Variants in PCDH15 observed in about 807,000 individuals in gnomAD.
The protein encoded by PCDH15 is protocadherin related 15.
In PCDH15, 129 loss-of-function variants were observed where a neutral mutation model predicts 178.5. The observed-to-expected ratio is 0.72, with a 90% CI of 0.63 to 0.84. PCDH15 has a LOEUF of 0.84. Ranked by LOEUF, PCDH15 falls within the 40% of genes least tolerant of loss-of-function variation. PCDH15 has a pLI of 0.00. For missense variants in PCDH15, 2,230 were observed against 2,099.9 expected, an observed-to-expected ratio of 1.06 and a Z score of -1.21; for synonymous variants, 800 against 732.0, an observed-to-expected ratio of 1.09 and a Z score of -1.50.
chr10:55,369,891 T>C (rs891519222), intron 2 of PCDH15, among the ~76,000 whole-genome samples: 3 of 152,084 alleles, frequency 2.0e-5, no homozygotes, highest in Middle Eastern at 3.4e-3. Context: ...CTGAGACACA[T>C]GCTTATTCCA....
intron 6 of PCDH15, among the ~76,000 whole-genome samples, chr10:54,334,662 AAAG>A (rs1283104804): frequency 6.9e-6 from 1 of 144,954 alleles, no homozygotes; most frequent in African/African-American, 2.6e-5. Context: ...ATTCAGTTCA[AAAG>A]AAGATAATTT....
intron 2 of PCDH15, among the ~76,000 whole-genome samples, chr10:54,593,194 C>T (rs2091989138): frequency 6.6e-6 from 1 of 152,024 alleles, no homozygotes; most frequent in Non-Finnish European, 1.5e-5. Context: ...CACTTCTATA[C>T]TTTTGTTTTT....
chr10:53,992,887 A>C (rs773267015), intron 21 of PCDH15, among the ~76,000 whole-genome samples: 1 of 152,196 alleles, frequency 6.6e-6, no homozygotes, highest in East Asian at 1.9e-4. Context: ...GGAGCACTTC[A>C]GTTTTGCAAA....
intron 9 of PCDH15, among the ~76,000 whole-genome samples, chr10:54,214,261 T>C (rs998216079): frequency 6.6e-6 from 1 of 152,158 alleles, no homozygotes; most frequent in African/African-American, 2.4e-5. Context: ...AATGTTTGGA[T>C]GATTTTTGAA....
intron 6 of PCDH15, among the ~76,000 whole-genome samples, chr10:54,331,961 G>A (rs79499543): frequency 0.21 from 31,569 of 151,444 alleles, 3,360 homozygotes; most frequent in Admixed American, 0.23. Flanking sequence ...AAGATAGAGA[G>A]AAGCTAAAAA....
At chr10:55,574,893 TAA>T (rs1842469175) in intron 2 of PCDH15, among the ~76,000 whole-genome samples, 1 of 152,076 alleles carries the variant, frequency 6.6e-6, no homozygotes, top group Non-Finnish European at 1.5e-5. Flanking sequence ...ACCTCATTAA[TAA>T]TAGACTTTTA....
In PCDH15 at chr10:54,462,680, ATTTTTTTTTTTTTTTTTTT is replaced by A. The variant is rs767750465; in HGVS notation, c.157+65113_157+65131del. On this transcript the variant is annotated intron_variant, in intron 3 of 37. Coordinates refer to ENST00000644397, the MANE Select transcript of PCDH15 (RefSeq NM_001384140.1). The stretch of plus-strand genomic sequence containing the variant: ...AGGCACGTGTCACCACACCTGCTTA[ATTTTTTTTTTTTTTTTTTT>A]TTTTTTTTTTTTAAGTAGAGACAGG... Among the ~76,000 whole-genome samples the A allele has an allele frequency of 5.3e-5, 3 of 56,234 alleles. No homozygotes were observed. The Admixed American group carries it at 6.4e-4, about 12-fold the overall frequency. The allele number at this position is 56,234 out of a possible 152,430, so 36.9% of individuals were successfully genotyped here. A position where few individuals can be genotyped will look rare whatever the true frequency, so the allele number is the denominator to read the frequency against.
intron 2 of PCDH15, among the ~76,000 whole-genome samples, chr10:55,539,692 A>C (rs1841712492): frequency 6.6e-6 from 1 of 152,118 alleles, no homozygotes; most frequent in Admixed American, 6.6e-5. Flanking sequence ...TTCAAAGACT[A>C]AAGTTAAGCT....
chr10:54,993,893 T>G (rs1480013870), intron 2 of PCDH15, among the ~76,000 whole-genome samples: 2 of 152,148 alleles, frequency 1.3e-5, no homozygotes, highest in Non-Finnish European at 2.9e-5. Context: ...AAGTCAGAAA[T>G]TATCATTTAC....
At chr10:54,634,965 T>C (rs1341351538) in intron 2 of PCDH15, among the ~76,000 whole-genome samples, 1 of 151,758 alleles carries the variant, frequency 6.6e-6, no homozygotes. Context: ...TTTAGGAAGA[T>C]AGCAGTAAGG....
At chr10:55,454,536 G>C (rs1288614573) in intron 2 of PCDH15, among the ~76,000 whole-genome samples, 1 of 151,742 alleles carries the variant, frequency 6.6e-6, no homozygotes, top group East Asian at 1.9e-4. Flanking sequence ...TCAGCACTTT[G>C]GGAGGCTGAG....
intron 8 of PCDH15, among the ~76,000 whole-genome samples, chr10:54,293,064 C>T (rs1444067901): frequency 2.0e-5 from 3 of 152,124 alleles, no homozygotes; most frequent in Admixed American, 6.5e-5. Flanking sequence ...TGACTTCAAA[C>T]TATACCACAA....
chr10:54,894,923 G>A (rs1380155700), intron 3 of PCDH15, among the ~76,000 whole-genome samples: 1 of 152,072 alleles, frequency 6.6e-6, no homozygotes, highest in Non-Finnish European at 1.5e-5. Flanking sequence ...TCATTTATCT[G>A]CTACTGAGAA....
chr10:54,173,343 A>G (rs983216426), intron 13 of PCDH15, among the ~76,000 whole-genome samples: 2 of 152,148 alleles, frequency 1.3e-5, no homozygotes, highest in African/African-American at 4.8e-5. Context: ...TACACAATAA[A>G]TCATTTTCAA....
chr10:54,579,386 G>A (rs1239103308), intron 2 of PCDH15, among the ~76,000 whole-genome samples: 2 of 152,082 alleles, frequency 1.3e-5, no homozygotes, highest in African/African-American at 4.8e-5. Flanking sequence ...AATAAAAAAG[G>A]ATAAAGAATG....
chr10:54,667,378 C>T (rs2094588115), intron 1 of PCDH15, among the ~76,000 whole-genome samples: 1 of 151,996 alleles, frequency 6.6e-6, no homozygotes, highest in Non-Finnish European at 1.5e-5. Context: ...GTACCTCCCA[C>T]AAAGAGATTG....
chr10:53,813,752 G>C (rs754246508), intron 35 of PCDH15, among the ~76,000 whole-genome samples: 13 of 152,012 alleles, frequency 8.6e-5, no homozygotes, highest in Non-Finnish European at 1.9e-4. Context: ...ACAGAATGTT[G>C]AGCAATATAG....
intron 1 of PCDH15, among the ~76,000 whole-genome samples, chr10:54,711,061 T>C (rs565891381): frequency 9.2e-5 from 14 of 152,116 alleles, no homozygotes; most frequent in Non-Finnish European, 1.2e-4. Flanking sequence ...ATGTTTTAGG[T>C]TTATTTAATG....
At chr10:53,940,222 T>C (rs2085932820) in intron 24 of PCDH15, among the ~76,000 whole-genome samples, 1 of 152,148 alleles carries the variant, frequency 6.6e-6, no homozygotes. Context: ...GGAGAACTTG[T>C]GGAGAACAGG....
Sources: allele counts gnomAD v4.1 joint callset (sites outside exome capture counted in the v4.1 genomes callset), GRCh38; gene constraint gnomAD v4.1.1; transcripts MANE v1.5; gene names NCBI Gene and HGNC (gene_info 2026-07-23, HGNC 2026-07-21).